Variants in ALG13 observed in about 807,000 individuals in gnomAD.
ALG13 encodes UDP-N-acetylglucosamine transferase subunit ALG13.
A neutral mutation model predicts 87.8 loss-of-function variants in ALG13; 11 were observed. The observed-to-expected ratio is 0.13, with a 90% CI of 0.08 to 0.21. The LOEUF (loss-of-function observed/expected upper bound fraction) is 0.21, where lower values mean the gene tolerates loss of function less well. Among genes scored for constraint, ALG13 ranks in the 10% least tolerant of loss-of-function variants. The pLI, the probability that ALG13 is intolerant of heterozygous loss-of-function variation, is 1.00. For synonymous variants in ALG13, 320 were observed against 306.3 expected (o/e 1.04, Z -0.47); for missense variants, 756 against 866.1 (o/e 0.87, Z 1.60).
At chrX:111,693,864 G>A (rs1056585462) in intron 3 of ALG13, among the ~76,000 whole-genome samples, 1 of 110,424 alleles carries the variant, frequency 9.1e-6, no homozygotes, top group Non-Finnish European at 1.9e-5. Flanking sequence ...AAAGTTTGCA[G>A]GACCTCATGG....
chrX:111,688,146 G>A (rs1343741141), intron 3 of ALG13: 7 of 851,397 alleles, frequency 8.2e-6, no homozygotes, highest in African/African-American at 2.2e-5. Flanking sequence ...GAAATTTTAT[G>A]TTGTGCACAT....
chrX:111,727,819 A>AT (rs1460699514), intron 18 of ALG13, 49 bp downstream of exon 18: 4 of 1,099,737 alleles, frequency 3.6e-6, no homozygotes, highest in Non-Finnish European at 3.6e-6. Flanking sequence ...TTTTTCATTT[A>AT]TTTTTTTGAA....
Position 111,709,043 on chromosome X carries a change from G to C in ALG13, c.829G>C (p.Glu277Gln). The C allele has an allele frequency of 8.7e-7, 1 of 1,147,980 alleles. No homozygotes were observed. The highest frequency in any genetic ancestry group is 1.2e-6 in the Non-Finnish European group (1 of 849,658). The allele number at this position is 1,147,980 out of a possible 1,213,427, so 94.6% of individuals were successfully genotyped here. A position where few individuals can be genotyped will look rare whatever the true frequency, so the allele number is the denominator to read the frequency against. The part of the protein sequence containing the change: ...SYMRENQQTF[E>Q]SYVEGSFEKY... ...TATGAGGGAAAATCAACAAACTTTT[G>C]AGTCTGTAAGTAGAATACATACCCA... The change falls in exon 5 of 27, where the codon GAG becomes CAG. Residue 277 changes from glutamate (E) to glutamine (Q), a missense_variant. Around this residue, in one of 9 missense-constraint regions of ALG13, gnomAD observed 60 missense variants for 54.5 expected, o/e 1.10. Coordinates refer to ENST00000394780, the MANE Select transcript of ALG13 (RefSeq NM_001099922.3).
chrX:111,705,969 T>C (rs1037804582), intron 3 of ALG13, among the ~76,000 whole-genome samples: 19 of 112,836 alleles, frequency 1.7e-4, no homozygotes, highest in African/African-American at 6.1e-4. Flanking sequence ...ATCATACTTA[T>C]TTTTAGTTTA....
chrX:111,738,351 T>A (rs1266187487), intron 23 of ALG13, among the ~76,000 whole-genome samples: 1 of 111,933 alleles, frequency 8.9e-6, no homozygotes, highest in African/African-American at 3.2e-5. Flanking sequence ...AATATTTGCA[T>A]TATGCTTGTT....
intron 25 of ALG13, among the ~76,000 whole-genome samples, chrX:111,755,178 G>A (rs1325457675): frequency 1.8e-5 from 2 of 112,044 alleles, no homozygotes; most frequent in African/African-American, 6.5e-5. Flanking sequence ...AAGGAATGGG[G>A]AAAGGATTCC....
intron 3 of ALG13, chrX:111,689,940 C>T (rs1432633628): frequency 1.3e-6 from 1 of 751,697 alleles, no homozygotes; most frequent in Non-Finnish European, 1.6e-6. Flanking sequence ...GACAACCTTA[C>T]CTAGGACTTA....
intron 3 of ALG13, 116 bp from the exon 4 acceptor site, chrX:111,707,911 A>T: frequency 1.2e-6 from 1 of 851,252 alleles, no homozygotes; most frequent in South Asian, 2.8e-5. Flanking sequence ...GATTGGGTTA[A>T]TTCCACTCTT....
Position 111,724,972 on chromosome X carries a change from A to C in ALG13, c.1640A>C (p.Gln547Pro). 1.7e-6 allele frequency: 2 copies of C among 1,211,016 alleles called. No individual in the cohort carries two copies. Among genetic ancestry groups the C allele is most frequent in the Non-Finnish European group, 2.2e-6 (2 of 894,829 alleles). The part of the protein sequence containing the change: ...VPLANLKPVT[Q>P]VMSVPAWNAM... ...CTGGCTAACTTAAAACCAGTTACCC[A>C]AGTGATGTCTGTTCCTGCCTGGAAT... Residue 547 changes from glutamine to proline, a missense_variant, in exon 15 of 27, where the codon CAA (glutamine) becomes CCA (proline). Gln to Pro is a moderately conservative substitution (Grantham distance 76, BLOSUM62 -1). This residue lies in a region of ALG13 where 362 missense variants were observed against 383.5 expected (regional missense o/e 0.94). Coordinates refer to ENST00000394780, the MANE Select transcript of ALG13 (RefSeq NM_001099922.3).
chrX:111,722,981 G>C, intron 13 of ALG13, 124 bp downstream of exon 13: 1 of 470,898 alleles, frequency 2.1e-6, no homozygotes. Flanking sequence ...AAGAGATAGG[G>C]TCTAGCTCTG....
rs945628488 is a variant in ALG13, at chrX:111,708,241, A to G, written c.598A>G (p.Thr200Ala). Residue 200 changes from threonine (T) to alanine (A), a missense_variant, in exon 4 of 27, where the codon ACC becomes GCC. Thr to Ala is a moderately conservative substitution (Grantham distance 58). Around this residue, in one of 9 missense-constraint regions of ALG13, gnomAD observed 153 missense variants for 168.7 expected, o/e 0.91. Coordinates refer to ENST00000394780, the MANE Select transcript of ALG13 (RefSeq NM_001099922.3). ...HAFFPLPLTP[T>A]LYKMHKGWKN... is the part of the protein sequence containing the mutation. ...TTTTTTTCCTCTCCCTCTTACCCCC[A>G]CCCTGTACAAAATGCATAAAGGATG... The G allele has an allele frequency of 2.1e-5, 25 of 1,210,278 alleles. No homozygotes were observed. The highest frequency in any genetic ancestry group is 2.7e-5 in the Non-Finnish European group (24 of 895,062).
intron 24 of ALG13, among the ~76,000 whole-genome samples, chrX:111,746,428 A>G (rs946892948): frequency 8.9e-6 from 1 of 112,153 alleles, no homozygotes; most frequent in Non-Finnish European, 1.9e-5. Flanking sequence ...ATCATATAGT[A>G]TATAATCTTT....
chrX:111,736,838 T>C lies in ALG13; in HGVS notation c.2654T>C (p.Ile885Thr), dbSNP rs781459134. ...STTSVSSQNA[I>T]QPLFVSPPTH... ...ACTTCAGTTTCCTCACAGAATGCTATACAGCCTCTCTTTGTATCTCCACCT... is the reference window on the plus strand; with the variant it reads ...ACTTCAGTTTCCTCACAGAATGCTACACAGCCTCTCTTTGTATCTCCACCT... The change falls in exon 23 of 27, where the codon ATA (isoleucine) becomes ACA (threonine). Residue 885 changes from isoleucine to threonine, a missense_variant. Physicochemically the swap from Ile to Thr is moderately conservative, Grantham distance 89. Transcript: ENST00000394780. 1.5e-4 allele frequency: 178 copies of C among 1,208,666 alleles called. No homozygotes were observed. The highest frequency in any genetic ancestry group is 1.6e-4 in the Non-Finnish European group (143 of 894,558).
At chrX:111,734,329 G>A (rs1943022253) in intron 21 of ALG13, 1 of 112,378 alleles carries the variant, frequency 8.9e-6, no homozygotes, top group Admixed American at 9.4e-5. Flanking sequence ...TATTCACTTG[G>A]GAACTTCTGA....
intron 3 of ALG13, among the ~76,000 whole-genome samples, chrX:111,697,361 A>G (rs1374147172): frequency 9.0e-6 from 1 of 111,597 alleles, no homozygotes; most frequent in Admixed American, 9.6e-5. Context: ...TTTTAGGAAT[A>G]TGTTGTTCTA....
chrX:111,740,340 A>G (rs369610494), intron 23 of ALG13, among the ~76,000 whole-genome samples: 1 of 111,294 alleles, frequency 9.0e-6, no homozygotes, highest in African/African-American at 3.3e-5. Context: ...TAGTGTGGAA[A>G]AAAGGTAATG....
In ALG13 at chrX:111,712,366, T is replaced by C. The variant is rs182757847; in HGVS notation, c.886-118T>C. On this transcript the variant is annotated intron_variant, in intron 6 of 26. Coordinates refer to ENST00000394780, the MANE Select transcript of ALG13 (RefSeq NM_001099922.3). The stretch of plus-strand genomic sequence containing the variant: ...CCAAGCCTTAAAACAGGTTATAGTG[T>C]GTTCTACAAATTCTTCATCTAAAAC... 4.3e-4 allele frequency: 172 copies of C among 400,462 alleles called. 1 individual carries two copies. Among genetic ancestry groups the C allele is most frequent in the Middle Eastern group, 2.4e-3 (5 of 2,066 alleles). 33.0% of individuals were successfully genotyped at this position (400,462 alleles called of 1,213,427 possible).
At chrX:111,741,766 T>G (rs1943757233) in intron 23 of ALG13, among the ~76,000 whole-genome samples, 1 of 106,515 alleles carries the variant, frequency 9.4e-6, no homozygotes, top group Non-Finnish European at 1.9e-5. Flanking sequence ...TGAGCTGAGA[T>G]CACATCATTG....
chrX:111,688,897 C>T, intron 3 of ALG13: 1 of 750,638 alleles, frequency 1.3e-6, no homozygotes, highest in South Asian at 6.8e-5. Context: ...GTAGATTATC[C>T]TTAAGTGTCC....
Sources: gnomAD v4.1 joint callset for allele counts (sites outside exome capture counted in the v4.1 genomes callset) on GRCh38, gnomAD v4.1.1 for gene constraint, gnomAD v4.1.1 regional missense constraint, MANE v1.5 for transcripts, NCBI Gene and HGNC (gene_info 2026-07-23, HGNC 2026-07-21) for gene names.